The following PTPRD variants were observed in gnomAD, a reference collection of about 807,000 sequenced individuals.
The protein encoded by PTPRD is receptor-type tyrosine-protein phosphatase delta.
A neutral mutation model predicts 214.5 loss-of-function variants in PTPRD; 34 were observed. The ratio of observed to expected loss-of-function variants is 0.16; its 90% confidence interval spans 0.12 to 0.21. PTPRD has a LOEUF of 0.21. PTPRD is among the 10% of genes least tolerant of loss of function. The pLI is 1.00. For missense variants in PTPRD, 2,545 were observed against 2,398.7 expected (o/e 1.06, Z -1.27); for synonymous variants, 1,128 against 845.7 (o/e 1.33, Z -5.79).
intron 14 of PTPRD, among the ~76,000 whole-genome samples, chr9:8,565,656 G>A (rs2088711837): frequency 6.6e-6 from 1 of 151,996 alleles, no homozygotes; most frequent in Non-Finnish European, 1.5e-5. Flanking sequence ...GACATCAAGA[G>A]GAAGGAAAAA....
chr9:8,588,307 C>G (rs918374550), intron 14 of PTPRD, among the ~76,000 whole-genome samples: 4 of 152,116 alleles, frequency 2.6e-5, no homozygotes, highest in African/African-American at 7.2e-5. Context: ...AAATAAGAAG[C>G]CAGCTGTAGT....
At chr9:9,660,685 C>G (rs1238136805) in intron 7 of PTPRD, among the ~76,000 whole-genome samples, 1 of 151,932 alleles carries the variant, frequency 6.6e-6, no homozygotes, top group African/African-American at 2.4e-5. Flanking sequence ...TTTGAAGAAA[C>G]TCACAGTTCT....
intron 5 of PTPRD, among the ~76,000 whole-genome samples, chr9:9,938,173 C>G (rs1240638182): frequency 1.3e-5 from 2 of 152,120 alleles, no homozygotes; most frequent in East Asian, 3.9e-4. Context: ...TGGTTTCCCA[C>G]TCTGGATCAC....
intron 3 of PTPRD, among the ~76,000 whole-genome samples, chr9:10,231,989 A>AGAGAGAGTGT (rs1245284728): frequency 3.2e-4 from 30 of 92,496 alleles, no homozygotes; most frequent in South Asian, 4.4e-4. Flanking sequence ...AGAGAGAGAG[A>AGAGAGAGTGT]GTGTGTGTGT....
At chr9:9,753,655 G>C (rs1048250426) in intron 6 of PTPRD, among the ~76,000 whole-genome samples, 1 of 151,996 alleles carries the variant, frequency 6.6e-6, no homozygotes, top group African/African-American at 2.4e-5. Flanking sequence ...GAGTTGGTGT[G>C]ATCCACATTG....
intron 4 of PTPRD, among the ~76,000 whole-genome samples, chr9:9,960,944 G>A (rs1010798559): frequency 6.6e-5 from 10 of 151,884 alleles, no homozygotes; most frequent in African/African-American, 2.4e-4. Flanking sequence ...AATCTACAAT[G>A]AACTCAAACA....
chr9:10,588,719 G>T (rs1357921406), intron 2 of PTPRD, among the ~76,000 whole-genome samples: 1 of 151,830 alleles, frequency 6.6e-6, no homozygotes, highest in East Asian at 1.9e-4. Context: ...CTAAACAAGG[G>T]TCTGGAAGAC....
chr9:10,411,493 C>A (rs1434419681), intron 2 of PTPRD, among the ~76,000 whole-genome samples: 2 of 151,642 alleles, frequency 1.3e-5, no homozygotes, highest in Non-Finnish European at 2.9e-5. Context: ...TCTTTGATGC[C>A]CAGAATGGTG....
At chr9:8,337,876 T>A (rs4008206) in intron 43 of PTPRD, among the ~76,000 whole-genome samples, 2 of 137,182 alleles carry the variant, frequency 1.5e-5, no homozygotes, top group Admixed American at 8.2e-5. Context: ...GAGCACTATT[T>A]TTTTTTTTTT....
chr9:10,314,056 T>C (rs1209876823), intron 3 of PTPRD, among the ~76,000 whole-genome samples: 2 of 151,938 alleles, frequency 1.3e-5, no homozygotes, highest in Admixed American at 6.6e-5. Flanking sequence ...TGAGAGATAG[T>C]TTAAAATAAT....
In PTPRD at chr9:9,379,489, C is replaced by A. The variant is rs148800945; in HGVS notation, c.-203+17960G>T. 4.2e-3 allele frequency among the ~76,000 whole-genome samples: 634 copies of A among 151,906 alleles called. 3 individuals carry two copies. Among genetic ancestry groups the A allele is most frequent in the African/African-American group, 0.014 (601 of 41,512 alleles). Reference sequence around the variant, plus strand: ...GTAATATCAGTCCTCCAACTTTGTTCTTCTCCTTCAACATTCTGTTTGCCA... The same window carrying A: ...GTAATATCAGTCCTCCAACTTTGTTATTCTCCTTCAACATTCTGTTTGCCA... On this transcript the variant is annotated intron_variant, in intron 9 of 45. Coordinates refer to ENST00000381196, the MANE Select transcript of PTPRD (RefSeq NM_002839.4).
intron 11 of PTPRD, among the ~76,000 whole-genome samples, chr9:8,887,196 T>C (rs1375941900): frequency 6.6e-6 from 1 of 152,222 alleles, no homozygotes; most frequent in African/African-American, 2.4e-5. Flanking sequence ...ACGCATGCTA[T>C]TAACCATTAT....
intron 3 of PTPRD, among the ~76,000 whole-genome samples, chr9:10,169,911 A>G (rs1002093883): frequency 9.2e-5 from 14 of 152,236 alleles, no homozygotes; most frequent in African/African-American, 3.1e-4. Context: ...TTTAGTTTAT[A>G]AAGTCTTTAA....
intron 6 of PTPRD, among the ~76,000 whole-genome samples, chr9:9,762,432 G>C (rs952535358): frequency 2.0e-5 from 3 of 152,032 alleles, no homozygotes; most frequent in Admixed American, 6.6e-5. Context: ...CAAATCTTTA[G>C]GTTTGGTTCC....
chr9:9,770,833 G>T (rs571091592), intron 5 of PTPRD, among the ~76,000 whole-genome samples: 1 of 152,292 alleles, frequency 6.6e-6, no homozygotes, highest in South Asian at 2.1e-4. Context: ...GAAATGAGAA[G>T]AGGAAGGGTA....
chr9:9,461,368 TTGTC>T (rs2093641024), intron 8 of PTPRD, among the ~76,000 whole-genome samples: 2 of 152,078 alleles, frequency 1.3e-5, no homozygotes, highest in Admixed American at 6.6e-5. Context: ...CATAGAGAAG[TTGTC>T]TGTATTTTTT....
chr9:8,625,508 T>C (rs1057466188), intron 14 of PTPRD, among the ~76,000 whole-genome samples: 3 of 151,854 alleles, frequency 2.0e-5, no homozygotes, highest in Non-Finnish European at 4.4e-5. Flanking sequence ...AGCTTCATTT[T>C]TTTAATAGCT....
At chr9:9,312,066 T>A (rs1337569928) in intron 9 of PTPRD, among the ~76,000 whole-genome samples, 1 of 152,190 alleles carries the variant, frequency 6.6e-6, no homozygotes, top group African/African-American at 2.4e-5. Context: ...TGTTTTCAAA[T>A]TAAAAATTTT....
intron 11 of PTPRD, among the ~76,000 whole-genome samples, chr9:8,810,272 G>A (rs938505603): frequency 1.3e-5 from 2 of 152,130 alleles, no homozygotes; most frequent in African/African-American, 2.4e-5. Context: ...ATCCTGTGGC[G>A]ATATAAACAA....
Sources: allele counts gnomAD v4.1 joint callset (sites outside exome capture counted in the v4.1 genomes callset), GRCh38; gene constraint gnomAD v4.1.1; transcripts MANE v1.5; gene names NCBI Gene and HGNC (gene_info 2026-07-23, HGNC 2026-07-21).